The following CAMKMT variants were observed in gnomAD, a reference collection of about 807,000 sequenced individuals.
The protein encoded by CAMKMT is CaM KMT.
In CAMKMT, 53 loss-of-function variants were observed where a neutral mutation model predicts 48.0. The ratio of observed to expected loss-of-function variants is 1.10; its 90% CI spans 0.89 to 1.39. The LOEUF is 1.39. Ranked by LOEUF, CAMKMT falls within the 40% of genes most tolerant of loss-of-function variation. The probability of loss-of-function intolerance (pLI) is 0.00; values close to 1 mark genes in which losing one functional copy is unlikely to be tolerated. For synonymous variants in CAMKMT, 165 were observed against 152.3 expected, an observed-to-expected ratio of 1.08 and a Z score of -0.61; for missense variants, 428 against 402.7, an observed-to-expected ratio of 1.06 and a Z score of -0.54.
At chr2:44,557,134 G>T (rs1390063360) in intron 3 of CAMKMT, among the ~76,000 whole-genome samples, 1 of 152,104 alleles carries the variant, frequency 6.6e-6, no homozygotes. Context: ...ATGATAATGT[G>T]GTTTCCAAGT....
chr2:44,397,887 A>G (rs1381126743), intron 3 of CAMKMT, among the ~76,000 whole-genome samples: 2 of 152,214 alleles, frequency 1.3e-5, no homozygotes, highest in East Asian at 3.8e-4. Flanking sequence ...AATCAGTGCA[A>G]TAATATAGAG....
Position 44,640,237 on chromosome 2 carries a change from A to G in CAMKMT, c.377-64046A>G, listed in dbSNP as rs186907588. Among the ~76,000 whole-genome samples, 9 of 152,300 alleles carry G rather than the reference A, an allele frequency of 5.9e-5. No individual in the cohort carries two copies. In the East Asian group the frequency reaches 1.7e-3, roughly 29 times the overall value. On this transcript the variant is annotated intron_variant, in intron 3 of 10. Transcript: ENST00000378494. The stretch of plus-strand genomic sequence containing the variant: ...AATAGAGGCATCATTAGAAAAATGA[A>G]CACTGGTTCTTAATACTTAAAAAAC...
chr2:44,663,332 A>G (rs1195657371), intron 3 of CAMKMT, among the ~76,000 whole-genome samples: 2 of 152,212 alleles, frequency 1.3e-5, no homozygotes, highest in Non-Finnish European at 2.9e-5. Context: ...ATTGGATAGT[A>G]GCTGTGTGGA....
intron 3 of CAMKMT, among the ~76,000 whole-genome samples, chr2:44,449,159 C>T (rs1470512415): frequency 6.6e-6 from 1 of 152,058 alleles, no homozygotes; most frequent in African/African-American, 2.4e-5. Flanking sequence ...AAAGACAAAA[C>T]AAAACTTCAA....
At chr2:44,463,806 T>C (rs1292881795) in intron 3 of CAMKMT, among the ~76,000 whole-genome samples, 1 of 152,178 alleles carries the variant, frequency 6.6e-6, no homozygotes, top group African/African-American at 2.4e-5. Context: ...ATAAAAGGAT[T>C]GAGAGGCTGT....
intron 3 of CAMKMT, among the ~76,000 whole-genome samples, chr2:44,515,249 T>C (rs1223621569): frequency 1.3e-5 from 2 of 152,216 alleles, no homozygotes; most frequent in African/African-American, 2.4e-5. Flanking sequence ...CTGGCTTTGG[T>C]GTCTGAAAGC....
At chr2:44,374,905 C>T (rs962693338) in intron 2 of CAMKMT, among the ~76,000 whole-genome samples, 2 of 151,904 alleles carry the variant, frequency 1.3e-5, no homozygotes, top group African/African-American at 2.4e-5. Context: ...CGAAGCAAGA[C>T]GATCACTTGA....
intron 3 of CAMKMT, among the ~76,000 whole-genome samples, chr2:44,558,188 A>C (rs1668124453): frequency 1.3e-5 from 2 of 151,984 alleles, no homozygotes; most frequent in African/African-American, 2.4e-5. Context: ...CTGAGTACCC[A>C]CCACCACACT....
chr2:44,539,260 G>C (rs1666956249), intron 3 of CAMKMT, among the ~76,000 whole-genome samples: 1 of 135,996 alleles, frequency 7.4e-6, no homozygotes, highest in African/African-American at 2.8e-5. Flanking sequence ...AGCCAAGATT[G>C]TGCCACTGTA....
At chr2:44,465,896 G>A (rs1668085915) in intron 3 of CAMKMT, among the ~76,000 whole-genome samples, 2 of 152,120 alleles carry the variant, frequency 1.3e-5, no homozygotes, top group Non-Finnish European at 2.9e-5. Flanking sequence ...GCCCTACTTA[G>A]ACAAAATAAA....
intron 2 of CAMKMT, among the ~76,000 whole-genome samples, chr2:44,384,045 C>T (rs76823736): frequency 6.6e-6 from 1 of 152,188 alleles, no homozygotes; most frequent in African/African-American, 2.4e-5. Flanking sequence ...TTTAAGGAAT[C>T]TCCACACTGT....
At chr2:44,599,571 A>G (rs1670863925) in intron 3 of CAMKMT, among the ~76,000 whole-genome samples, 1 of 152,086 alleles carries the variant, frequency 6.6e-6, no homozygotes, top group Admixed American at 6.6e-5. Flanking sequence ...TGTCAGAAGC[A>G]TTTTTTTAAA....
chr2:44,734,054 C>T (rs343973), intron 7 of CAMKMT, among the ~76,000 whole-genome samples: 29,958 of 151,328 alleles, frequency 0.2, 3,218 homozygotes, highest in African/African-American at 0.28. Context: ...TTTTCTGTTT[C>T]CCTTTTTATT....
At chr2:44,731,923 T>C (rs1006294038) in intron 7 of CAMKMT, among the ~76,000 whole-genome samples, 1 of 152,198 alleles carries the variant, frequency 6.6e-6, no homozygotes, top group Non-Finnish European at 1.5e-5. Context: ...ACTTCATAGG[T>C]TTGGCATGTC....
intron 3 of CAMKMT, among the ~76,000 whole-genome samples, chr2:44,393,034 T>G (rs1041663011): frequency 6.6e-5 from 10 of 152,080 alleles, no homozygotes; most frequent in African/African-American, 2.4e-4. Flanking sequence ...TATGTGTAGA[T>G]ACAGTAAAAA....
At chr2:44,638,429 G>C (rs1321298886) in intron 3 of CAMKMT, among the ~76,000 whole-genome samples, 1 of 152,156 alleles carries the variant, frequency 6.6e-6, no homozygotes, top group Non-Finnish European at 1.5e-5. Flanking sequence ...AGAAACTGAA[G>C]TTACCTTAGA....
At chr2:44,531,759 A>G (rs1313341165) in intron 3 of CAMKMT, among the ~76,000 whole-genome samples, 1 of 152,166 alleles carries the variant, frequency 6.6e-6, no homozygotes, top group Non-Finnish European at 1.5e-5. Context: ...TTTGAATCTC[A>G]TGATATTACA....
At chr2:44,709,031 A>G (rs1216548530) in intron 6 of CAMKMT, among the ~76,000 whole-genome samples, 4 of 152,208 alleles carry the variant, frequency 2.6e-5, no homozygotes, top group African/African-American at 9.6e-5. Context: ...GCTAAACTAC[A>G]GAGCTTCCAA....
At chr2:44,607,437 T>C (rs918505766) in intron 3 of CAMKMT, among the ~76,000 whole-genome samples, 4 of 152,256 alleles carry the variant, frequency 2.6e-5, no homozygotes, top group African/African-American at 7.2e-5. Context: ...AACTGAACAC[T>C]AAATTGCTCT....
Sources: gnomAD v4.1 joint callset for allele counts (sites outside exome capture counted in the v4.1 genomes callset) on GRCh38, gnomAD v4.1.1 for gene constraint, MANE v1.5 for transcripts, NCBI Gene and HGNC (gene_info 2026-07-23, HGNC 2026-07-21) for gene names.